Variants in AHNAK2 observed in about 807,000 individuals in gnomAD.
AHNAK2 encodes the protein protein AHNAK2.
A neutral mutation model predicts 30.7 loss-of-function variants in AHNAK2; 18 were observed. The observed-to-expected ratio is 0.59, with a 90% CI of 0.41 to 0.87. The LOEUF (loss-of-function observed/expected upper bound fraction) is 0.87. AHNAK2 is among the 40% of genes least tolerant of loss of function. AHNAK2 has a pLI of 0.00. For missense variants in AHNAK2, 8,604 were observed against 7,373.0 expected (o/e 1.17, Z -6.11); for synonymous variants, 3,590 against 3,073.8 (o/e 1.17, Z -5.56).
At chr14:104,965,401 C>CAAAAAAAAAAAAAAAAAAAAAAAAGAAA (rs397853385) in intron 1 of AHNAK2, among the ~76,000 whole-genome samples, 1 of 85,520 alleles carries the variant, frequency 1.2e-5, no homozygotes, top group Non-Finnish European at 2.3e-5. Flanking sequence ...AACTCTGTCT[C>CAAAAAAAAAAAAAAAAAAAAAAAAGAAA]AAAAAAAAAA....
rs750448737 is a variant in AHNAK2, at chr14:104,949,702, G to C, written c.5749C>G (p.Pro1917Ala). 1.2e-5 allele frequency: 19 copies of C among 1,586,988 alleles called. 4 individuals are homozygous for C. In the South Asian group the frequency reaches 1.8e-4, roughly 15 times the overall value. Residue 1917 changes from proline to alanine, a missense_variant, in exon 7 of 7, where the codon CCC becomes GCC. Coordinates refer to ENST00000333244, the MANE Select transcript of AHNAK2 (RefSeq NM_138420.4). ...PKVDMPSFKM[P>A]KVDLKGPQTD... Reference sequence around the variant, plus strand: ...TGGGGGCCCTTGAGGTCCACTTTGGGCATCTTGAAACTGGGCATATCCACC... The same window carrying C: ...TGGGGGCCCTTGAGGTCCACTTTGGCCATCTTGAAACTGGGCATATCCACC...
rs1173036101 is a variant in AHNAK2 at position 104,938,584 on chromosome 14, T to C, written c.16867A>G (p.Thr5623Ala). ...CTGCCTTCATCTGCCAGTGGTGTGG[T>C]TGCCTCTTGGCTATCATCAGGGGGA... ...EFPPDDSQEA[T>A]TPLADEGRAP... The change falls in exon 7 of 7, where the codon ACC (threonine) becomes GCC (alanine). Residue 5623 changes from threonine to alanine, a missense_variant. Coordinates refer to ENST00000333244, the MANE Select transcript of AHNAK2 (RefSeq NM_138420.4). 1.9e-6 allele frequency: 3 copies of C among 1,613,304 alleles called. No homozygotes were observed. The highest frequency in any genetic ancestry group is 2.5e-6 in the Non-Finnish European group (3 of 1,179,758).
At position 104,940,598 on chromosome 14, in the gene AHNAK2, A is replaced by G. The variant is rs746741471; in HGVS notation, c.14853T>C (p.Ser4951=). The part of the protein sequence containing the change: ...SEDADHEGKG[S]PLKMPKIKLP... The stretch of plus-strand genomic sequence containing the variant: ...GCTTAATCTTAGGCATTTTCAAGGG[A>G]CTCCCTTTCCCTTCGTGGTCAGCAT... The change falls in exon 7 of 7, where the codon AGT becomes AGC. Residue 4951 remains serine, a synonymous_variant. Transcript: ENST00000333244. The surrounding 1 kb of genome is among the most constrained non-coding windows in gnomAD (Gnocchi z 4.4). 7 of 1,613,230 alleles carry G rather than the reference A, an allele frequency of 4.3e-6. No homozygotes were observed. In the Admixed American group the frequency reaches 1.2e-4, roughly 27 times the overall value.
In AHNAK2 at chr14:104,940,460, C is replaced by CG; in HGVS notation, c.14990dup (p.Gln4998AlafsTer11). 3 of 1,613,816 alleles carry CG rather than the reference C, an allele frequency of 1.9e-6. No individual in the cohort carries two copies. Among genetic ancestry groups the CG allele is most frequent in the Non-Finnish European group, 2.5e-6 (3 of 1,179,884 alleles). ...GCAGATCCATGTGGATGGCAGACTG[C>CG]GGGGCCACTTCATCCTTGTCTAAAA... On this transcript the variant is annotated frameshift_variant, in exon 7 of 7. Coordinates refer to ENST00000333244, the MANE Select transcript of AHNAK2 (RefSeq NM_138420.4). LOFTEE classifies it low-confidence loss of function (END_TRUNC). This position sits in a 1 kb window ranked among gnomAD's most constrained non-coding sequence, Gnocchi z 4.4.
In AHNAK2 at chr14:104,952,078, A is replaced by G; in HGVS notation, c.3373T>C (p.Ser1125Pro). Residue 1125 changes from serine to proline, a missense_variant, in exon 7 of 7, where the codon TCT becomes CCT. Coordinates refer to ENST00000333244, the MANE Select transcript of AHNAK2 (RefSeq NM_138420.4). ...AEVTAPDVEV[S>P]LPSVEVDVEA... ...ACGTCCACCTCCACGCTGGGCAGAG[A>G]CACCTCCACATCAGGGGCTGTGACT... 1 of 1,612,392 alleles carries G rather than the reference A, an allele frequency of 6.2e-7. No homozygotes were observed. Among genetic ancestry groups the G allele is most frequent in the Non-Finnish European group, 8.5e-7 (1 of 1,179,468 alleles).
At chr14:104,965,839 C>A in intron 1 of AHNAK2, among the ~76,000 whole-genome samples, 1 of 152,210 alleles carries the variant, frequency 6.6e-6, no homozygotes, top group Non-Finnish European at 1.5e-5. Context: ...TGCTGTGTGG[C>A]CCTGAGCAAG....
rs752578471 is a variant in AHNAK2 at position 104,951,276 on chromosome 14, A to T, written c.4175T>A (p.Leu1392Ter). Reference sequence around the variant, plus strand: ...GGGGCCCTCTGGGAGTTTCACGTCCAATTGGCCAGCCTGGAGCTCCAGGTC... The same window carrying T: ...GGGGCCCTCTGGGAGTTTCACGTCCTATTGGCCAGCCTGGAGCTCCAGGTC... Reference protein sequence around the residue: ...STDLELQAGQLDVKLPEGPVP... With the variant: ...STDLELQAGQ Residue 1392 changes from leucine to a stop codon, truncating the protein, a stop_gained, in exon 7 of 7, where the codon TTG (leucine) becomes TAG (stop). Transcript: ENST00000333244. LOFTEE classifies it low-confidence loss of function (END_TRUNC). 5.7e-6 allele frequency: 6 copies of T among 1,059,944 alleles called. 2 individuals carry two copies. In the East Asian group the frequency reaches 1.4e-4, roughly 24 times the overall value. The allele number at this position is 1,059,944 out of a possible 1,614,324, so 65.7% of individuals were successfully genotyped here.
Position 104,938,706 on chromosome 14 carries a change from T to C in AHNAK2, c.16745A>G (p.Asn5582Ser). The change falls in exon 7 of 7, where the codon AAT (asparagine) becomes AGT (serine). Residue 5582 changes from asparagine to serine, a missense_variant. Transcript: ENST00000333244. ...TGTGAGTGTTTGCTGTCCCAGTACA[T>C]TGACGCTGGAAGAGATCATCTCAAA... ...EPFEMISSSV[N>S]VLGQQTLTFE... The C allele has an allele frequency of 1.2e-6, 2 of 1,613,496 alleles. No homozygotes were observed. The highest frequency in any genetic ancestry group is 1.7e-6 in the Non-Finnish European group (2 of 1,179,750).
intron 3 of AHNAK2, among the ~76,000 whole-genome samples, chr14:104,956,978 G>T (rs927904756): frequency 1.3e-5 from 2 of 152,234 alleles, no homozygotes; most frequent in Non-Finnish European, 2.9e-5. Context: ...TGTATGGAGG[G>T]AGATAAGAAA....
intron 1 of AHNAK2, among the ~76,000 whole-genome samples, chr14:104,960,896 C>T (rs2140874508): frequency 6.6e-6 from 1 of 152,026 alleles, no homozygotes; most frequent in African/African-American, 2.4e-5. Flanking sequence ...CTTTGGGAGG[C>T]CAAGGAGGGC....
At position 104,966,696 on chromosome 14, in the gene AHNAK2, C is replaced by G. The variant is rs1465225162; in HGVS notation, c.56-9024G>C. Among the ~76,000 whole-genome samples the G allele has an allele frequency of 1.3e-5, 2 of 152,184 alleles. No individual in the cohort carries two copies. The highest frequency in any genetic ancestry group is 2.9e-5 in the Non-Finnish European group (2 of 68,034). ...CAGTGCACCCCACAACCCTGAGGGACCACCAGCTGGGGCCACCCCAGCCCC... is the reference window on the plus strand; with the variant it reads ...CAGTGCACCCCACAACCCTGAGGGAGCACCAGCTGGGGCCACCCCAGCCCC... On this transcript the variant is annotated intron_variant, in intron 1 of 6. Transcript: ENST00000333244. This position sits in a 1 kb window ranked among gnomAD's most constrained non-coding sequence, Gnocchi z 4.3.
chr14:104,963,172 T>C (rs544773464), intron 1 of AHNAK2, among the ~76,000 whole-genome samples: 4 of 152,278 alleles, frequency 2.6e-5, no homozygotes, highest in Non-Finnish European at 5.9e-5. Flanking sequence ...GAACAGACAT[T>C]TCACAAAAGA....
chr14:104,952,651 G>C lies in AHNAK2; in HGVS notation c.2800C>G (p.Pro934Ala). 1 of 1,612,240 alleles carries C rather than the reference G, an allele frequency of 6.2e-7. No individual in the cohort carries two copies. Among genetic ancestry groups the C allele is most frequent in the Non-Finnish European group, 8.5e-7 (1 of 1,179,532 alleles). ...TTGGGGCCCTTAACATCTATCTGGG[G>C]GCCCTTGAGGTCCACTTTGGGCATC... ...FKMPKVDLKG[P>A]QIDVKGPKLD... The change falls in exon 7 of 7, where the codon CCC (proline) becomes GCC (alanine). Residue 934 changes from proline (P) to alanine (A), a missense_variant. Physicochemically the swap from Pro to Ala is conservative, Grantham distance 27 (BLOSUM62 -1). Transcript: ENST00000333244.
chr14:104,969,688 T>C (rs546044989), intron 1 of AHNAK2, among the ~76,000 whole-genome samples: 17 of 152,266 alleles, frequency 1.1e-4, no homozygotes, highest in Middle Eastern at 3.4e-3. Flanking sequence ...GGGCAGCAGG[T>C]GGGCCCAGTT....
chr14:104,973,322 G>A (rs1477719792), intron 1 of AHNAK2, among the ~76,000 whole-genome samples: 1 of 152,224 alleles, frequency 6.6e-6, no homozygotes, highest in East Asian at 1.9e-4. Context: ...AGGGCTGAGG[G>A]CAGCGGATGG....
rs142287444 is a variant in AHNAK2, at chr14:104,946,973, C to A, written c.8478G>T (p.Ser2826=). The change falls in exon 7 of 7, where the codon TCG becomes TCT. Residue 2826 remains serine (S), a synonymous_variant. Transcript: ENST00000333244. ...AGGCCTCGATGGACTTGCCTGGGGC[C>A]GACACCCCGAATGACGGCATCTTGA... is the stretch of plus-strand genomic sequence containing the variant. ...PKFKMPSFGV[S]APGKSIEASV... is the part of the protein sequence containing the mutation. 1,997 of 1,606,734 alleles carry A rather than the reference C, an allele frequency of 1.2e-3. 52 individuals carry two copies. In the African/African-American group the frequency reaches 0.018, roughly 15 times the overall value.
At position 104,955,121 on chromosome 14, in the gene AHNAK2, T is replaced by A. The variant is rs1292076795; in HGVS notation, c.487A>T (p.Thr163Ser). The A allele has an allele frequency of 6.2e-7, 1 of 1,611,160 alleles. No homozygotes were observed. Among genetic ancestry groups the A allele is most frequent in the Non-Finnish European group, 8.5e-7 (1 of 1,179,506 alleles). ...LREGDQLLST[T>S]VFFENIKYED... The stretch of plus-strand genomic sequence containing the variant: ...TATTTTATGTTTTCAAAGAACACGG[T>A]TGTACTGAGCAGCTGATCCCCTAGA... The change falls in exon 6 of 7, where the codon ACC becomes TCC. Residue 163 changes from threonine (T) to serine (S), a missense_variant. Physicochemically the swap from Thr to Ser is moderately conservative, Grantham distance 58. Coordinates refer to ENST00000333244, the MANE Select transcript of AHNAK2 (RefSeq NM_138420.4).
In AHNAK2 at chr14:104,966,214, C is replaced by A. The variant is rs952093686; in HGVS notation, c.56-8542G>T. Reference sequence around the variant, plus strand: ...CAGGAGGCATCAACACTCACCCCCACGTCATCCCGGCCCCGCCACCTTCCT... The same window carrying A: ...CAGGAGGCATCAACACTCACCCCCAAGTCATCCCGGCCCCGCCACCTTCCT... On this transcript the variant is annotated intron_variant, in intron 1 of 6. Transcript: ENST00000333244. This position sits in a 1 kb window ranked among gnomAD's most constrained non-coding sequence, Gnocchi z 4.3. Among the ~76,000 whole-genome samples, 2 of 152,076 alleles carry A rather than the reference C, an allele frequency of 1.3e-5. No individual in the cohort carries two copies. The highest frequency in any genetic ancestry group is 2.9e-5 in the Non-Finnish European group (2 of 67,990).
At chr14:104,977,417 C>G (rs1899622627) in intron 1 of AHNAK2, among the ~76,000 whole-genome samples, 1 of 152,190 alleles carries the variant, frequency 6.6e-6, no homozygotes, top group African/African-American at 2.4e-5. Context: ...CATGCCGTAG[C>G]CTGCGGCTCA....
Sources: gnomAD v4.1 joint callset for allele counts (sites outside exome capture counted in the v4.1 genomes callset) on GRCh38, gnomAD v4.1.1 for gene constraint, Gnocchi (gnomAD v3.1) non-coding constraint, MANE v1.5 for transcripts, NCBI Gene and HGNC (gene_info 2026-07-23, HGNC 2026-07-21) for gene names.